The following IFT172 variants were observed in gnomAD, a reference collection of about 807,000 sequenced individuals.
The protein encoded by IFT172 is intraflagellar transport 172.
In IFT172, 164 loss-of-function variants were observed where a neutral mutation model predicts 248.9. The ratio of observed to expected loss-of-function variants is 0.66; its 90% CI spans 0.58 to 0.75. The LOEUF (loss-of-function observed/expected upper bound fraction) is 0.75, where lower values mean the gene tolerates loss of function less well. Among genes scored for constraint, IFT172 ranks in the 30% least tolerant of loss-of-function variants. The pLI is 0.00. For missense variants in IFT172, 1,950 were observed against 2,192.4 expected (o/e 0.89, Z 2.21); for synonymous variants, 729 against 791.6 (o/e 0.92, Z 1.33).
intron 35 of IFT172, among the ~76,000 whole-genome samples, chr2:27,451,590 C>T (rs1665680385): frequency 6.6e-6 from 1 of 152,082 alleles, no homozygotes; most frequent in South Asian, 2.1e-4. Context: ...GGTGAAACCC[C>T]GTCTCTACTA....
chr2:27,446,858 C>T (rs916869191), intron 42 of IFT172, among the ~76,000 whole-genome samples: 1 of 151,382 alleles, frequency 6.6e-6, no homozygotes, highest in Non-Finnish European at 1.5e-5. Context: ...CGCCACCGTG[C>T]CTGGCTAATT....
At position 27,447,611 on chromosome 2, in the gene IFT172, A is replaced by G; in HGVS notation, c.4563T>C (p.Ser1521=). Residue 1521 remains serine (S), a synonymous_variant, in exon 42 of 48, where the codon AGT becomes AGC. Transcript: ENST00000260570. ...FNLCENLVKS[S]EANSPAHEEF... ...CCTCATGGGCTGGAGAGTTTGCCTC[A>G]CTGGACTTCACCAGGTTTTCACACT... 1 of 1,614,138 alleles carries G rather than the reference A, an allele frequency of 6.2e-7. No homozygotes were observed. Among genetic ancestry groups the G allele is most frequent in the South Asian group, 1.1e-5 (1 of 91,090 alleles).
At chr2:27,447,977 C>A in intron 40 of IFT172, 55 bp from the exon 41 acceptor site, 1 of 1,122,088 alleles carries the variant, frequency 8.9e-7, no homozygotes, top group South Asian at 1.2e-5. Flanking sequence ...AAGAGAAAGT[C>A]ACTGGAAGTG....
At chr2:27,456,473 T>G in intron 30 of IFT172, 38 bp downstream of exon 30, 3 of 1,588,388 alleles carry the variant, frequency 1.9e-6, no homozygotes, top group Non-Finnish European at 2.6e-6. Context: ...TGGCTCTGGC[T>G]GGGATGGGGC....
At chr2:27,460,945 C>G in intron 23 of IFT172, 70 bp downstream of exon 23, 2 of 1,588,958 alleles carry the variant, frequency 1.3e-6, no homozygotes, top group Non-Finnish European at 1.7e-6. Flanking sequence ...CCCACCCCTA[C>G]AAGAGGTGCC....
At position 27,457,930 on chromosome 2, in the gene IFT172, T is replaced by C. The variant is rs1666298185; in HGVS notation, c.3022A>G (p.Lys1008Glu). 1.2e-6 allele frequency: 2 copies of C among 1,614,088 alleles called. No homozygotes were observed. Among genetic ancestry groups the C allele is most frequent in the East Asian group, 4.5e-5 (2 of 44,898 alleles). Residue 1008 changes from lysine to glutamate, a missense_variant, in exon 28 of 48, where the codon AAA (lysine) becomes GAA (glutamate). Coordinates refer to ENST00000260570, the MANE Select transcript of IFT172 (RefSeq NM_015662.3). ...ATGTCATCATACAACTTGTGCTTTTTGTACATGGTGATGGCAAGATCAGGC... is the reference window on the plus strand; with the variant it reads ...ATGTCATCATACAACTTGTGCTTTTCGTACATGGTGATGGCAAGATCAGGC... Reference protein sequence around the residue: ...QEPDLAITMYKKHKLYDDMIR... With the variant: ...QEPDLAITMYEKHKLYDDMIR...
At chr2:27,446,471 TG>T (rs1665110460) in intron 42 of IFT172, 116 bp from the exon 43 acceptor site, 4 of 869,548 alleles carry the variant, frequency 4.6e-6, no homozygotes, top group Non-Finnish European at 7.3e-6. Context: ...TAAACTGCTC[TG>T]GATTCTCAAG....
chr2:27,461,166 G>T, intron 22 of IFT172, 73 bp from the exon 23 acceptor site: 1 of 1,613,290 alleles, frequency 6.2e-7, no homozygotes, highest in Non-Finnish European at 8.5e-7. Context: ...GAAAACAAGG[G>T]AACACCAGCA....
In IFT172 at chr2:27,445,647, G is replaced by A; in HGVS notation, c.4914+98C>T. On this transcript the variant is annotated intron_variant, in intron 45 of 47. Coordinates refer to ENST00000260570, the MANE Select transcript of IFT172 (RefSeq NM_015662.3). This position sits in a 1 kb window ranked among gnomAD's most constrained non-coding sequence, Gnocchi z 4.4. ...TACTTTCACTGAAAAAACAGTGAGG[G>A]CTGAGGTCCTTCCAAAGATGGCAGC... 1 of 1,455,138 alleles carries A rather than the reference G, an allele frequency of 6.9e-7. No individual in the cohort carries two copies. Among genetic ancestry groups the A allele is most frequent in the Admixed American group, 1.8e-5 (1 of 56,040 alleles). The allele number at this position is 1,455,138 out of a possible 1,614,324, so 90.1% of individuals were successfully genotyped here. A position where few individuals can be genotyped will look rare whatever the true frequency, so the allele number is the denominator to read the frequency against.
Position 27,485,350 on chromosome 2 carries a change from C to T in IFT172, c.183+10G>A. ...AGGTTAAATAAGGTACACATGAATA[C>T]ACTGTTTACCTTCATGTCAGCTGGT... On this transcript the variant is annotated intron_variant, in intron 2 of 47. Coordinates refer to ENST00000260570, the MANE Select transcript of IFT172 (RefSeq NM_015662.3). The T allele has an allele frequency of 6.2e-7, 1 of 1,613,846 alleles. No homozygotes were observed. Among genetic ancestry groups the T allele is most frequent in the South Asian group, 1.1e-5 (1 of 91,064 alleles).
At chr2:27,456,420 G>A (rs1666166346) in intron 30 of IFT172, 91 bp downstream of exon 30, 3 of 1,486,908 alleles carry the variant, frequency 2.0e-6, no homozygotes, top group Non-Finnish European at 9.0e-7. Flanking sequence ...TCCTTCCAAG[G>A]ATCTTTCTTT....
rs1476225993 is a variant in IFT172 at position 27,454,401 on chromosome 2, A to G, written c.3483T>C (p.Ala1161=). Residue 1161 remains alanine, a synonymous_variant, in exon 32 of 48, where the codon GCT becomes GCC. Coordinates refer to ENST00000260570, the MANE Select transcript of IFT172 (RefSeq NM_015662.3). The surrounding 1 kb of genome is among the most constrained non-coding windows in gnomAD (Gnocchi z 4.2). The part of the protein sequence containing the change: ...FLEDEGKFEE[A]EAEFIRAGKP... ...TACCAGCTCTGATGAATTCAGCTTC[A>G]GCCTCTTCGAATTTACCCTACAGGG... 6.2e-7 allele frequency: 1 copy of G among 1,614,126 alleles called. No individual in the cohort carries two copies. Among genetic ancestry groups the G allele is most frequent in the Non-Finnish European group, 8.5e-7 (1 of 1,180,060 alleles).
In IFT172 at chr2:27,485,490, T is replaced by C. The variant is rs146548956; in HGVS notation, c.53A>G (p.Lys18Arg). 1 of 1,614,024 alleles carries C rather than the reference T, an allele frequency of 6.2e-7. No homozygotes were observed. The highest frequency in any genetic ancestry group is 2.2e-5 in the East Asian group (1 of 44,890). The change falls in exon 2 of 48, where the codon AAG becomes AGG. Residue 18 changes from lysine to arginine, a missense_variant. Physicochemically the swap from Lys to Arg is conservative, Grantham distance 26 (BLOSUM62 2). Transcript: ENST00000260570. ...CTGGGACCAAGCCATGCAGGTCACC[T>C]TTGCAGCTCCATCCTGTAGAGGCAA... ...TLLSPQDGAA[K>R]VTCMAWSQNN... is the part of the protein sequence containing the mutation.
In IFT172 at chr2:27,461,866, C is replaced by T. The variant is rs576837353; in HGVS notation, c.2116-30G>A. On this transcript the variant is annotated intron_variant, in intron 20 of 47. Transcript: ENST00000260570. ...GGGAAACAGGCAGAGCAGAGAGGGACACCAGAAAGATATGAGGATCAGAAA... is the reference window on the plus strand; with the variant it reads ...GGGAAACAGGCAGAGCAGAGAGGGATACCAGAAAGATATGAGGATCAGAAA... 1.6e-5 allele frequency: 26 copies of T among 1,612,928 alleles called. No homozygotes were observed. In the African/African-American group the frequency reaches 2.9e-4, roughly 18 times the overall value.
At chr2:27,466,264 T>A (rs1237134520) in intron 16 of IFT172, among the ~76,000 whole-genome samples, 1 of 152,124 alleles carries the variant, frequency 6.6e-6, no homozygotes, top group Non-Finnish European at 1.5e-5. Flanking sequence ...CCTACCCATA[T>A]CCTACCCTTC....
Position 27,445,149 on chromosome 2 carries a change from TGAG to T in IFT172, c.5069-47_5069-45del, listed in dbSNP as rs772324234. ...TGATGAACTGGGGTTTGAGAGAGAT[TGAG>T]GAGGGAAAAATGAGGAGCAGCCTGG... On this transcript the variant is annotated intron_variant, in intron 46 of 47. Coordinates refer to ENST00000260570, the MANE Select transcript of IFT172 (RefSeq NM_015662.3). This position sits in a 1 kb window ranked among gnomAD's most constrained non-coding sequence, Gnocchi z 4.4. 3.7e-6 allele frequency: 6 copies of T among 1,610,132 alleles called. No individual in the cohort carries two copies. The South Asian group carries it at 4.4e-5, about 12-fold the overall frequency.
chr2:27,449,927 T>C, intron 36 of IFT172, 71 bp downstream of exon 36: 1 of 1,439,488 alleles, frequency 6.9e-7, no homozygotes, highest in Non-Finnish European at 9.7e-7. Context: ...CACACCTTCC[T>C]GGGTGTAGAT....
chr2:27,448,798 GC>G, intron 40 of IFT172, 116 bp downstream of exon 40: 1 of 713,716 alleles, frequency 1.4e-6, no homozygotes, highest in East Asian at 2.5e-5. Context: ...GGGGCTCTGG[GC>G]ATGACGTTCT....
intron 3 of IFT172, 68 bp downstream of exon 3, chr2:27,484,950 C>A: frequency 1.1e-6 from 1 of 901,246 alleles, no homozygotes; most frequent in Non-Finnish European, 1.8e-6. Context: ...TTCCCCTCCC[C>A]AGTGAGGCAT....
Sources: allele counts gnomAD v4.1 joint callset (sites outside exome capture counted in the v4.1 genomes callset), GRCh38; gene constraint gnomAD v4.1.1; non-coding constraint Gnocchi (gnomAD v3.1); transcripts MANE v1.5; gene names NCBI Gene and HGNC (gene_info 2026-07-23, HGNC 2026-07-21).